The following MSH6 variants were observed in gnomAD, a reference collection of about 807,000 sequenced individuals.
The protein encoded by MSH6 is DNA mismatch repair protein Msh6.
A neutral mutation model predicts 119.1 loss-of-function variants in MSH6; 85 were observed. That is an observed-to-expected ratio of 0.71 (90% CI 0.60 to 0.85). MSH6 has a LOEUF of 0.85. MSH6 is among the 40% of genes least tolerant of loss of function. The probability of loss-of-function intolerance (pLI) is 0.00; values close to 1 mark genes in which losing one functional copy is unlikely to be tolerated. For missense variants in MSH6, 2,163 were observed against 1,655.3 expected (o/e 1.31, Z -5.32); for synonymous variants, 830 against 586.9 (o/e 1.41, Z -5.99).
chr2:47,795,106 G>T (rs1007019721), intron 2 of MSH6, among the ~76,000 whole-genome samples: 5 of 152,058 alleles, frequency 3.3e-5, no homozygotes, highest in African/African-American at 1.2e-4. Context: ...AAGTTTTTAA[G>T]AAAGATTCTC....
rs747521149 is a variant in MSH6 at position 47,783,197 on chromosome 2, C to T, written c.-37C>T. Reference sequence around the variant, plus strand: ...GTAGATGCGGTGCTTTTAGGAGCTCCGTCCGACAGAACGGTTGGGCCTTGC... The same window carrying T: ...GTAGATGCGGTGCTTTTAGGAGCTCTGTCCGACAGAACGGTTGGGCCTTGC... On this transcript the variant is annotated 5_prime_UTR_variant, in exon 1 of 10. Coordinates refer to ENST00000234420, the MANE Select transcript of MSH6 (RefSeq NM_000179.3). 16 of 1,609,346 alleles carry T rather than the reference C, an allele frequency of 9.9e-6. No individual in the cohort carries two copies. Among genetic ancestry groups the T allele is most frequent in the East Asian group, 2.3e-5 (1 of 44,388 alleles).
chr2:47,783,473 A>G lies in MSH6; in HGVS notation c.240A>G (p.Val80=), dbSNP rs864622281. 40 of 1,443,500 alleles carry G rather than the reference A, an allele frequency of 2.8e-5. No individual in the cohort carries two copies. The highest frequency in any genetic ancestry group is 8.7e-5 in the Admixed American group (3 of 34,662). The allele number at this position is 1,443,500 out of a possible 1,614,324, so 89.4% of individuals were successfully genotyped here. A position where few individuals can be genotyped will look rare whatever the true frequency, so the allele number is the denominator to read the frequency against. The change falls in exon 1 of 10, where the codon GTA becomes GTG. Residue 80 remains valine, a synonymous_variant. Coordinates refer to ENST00000234420, the MANE Select transcript of MSH6 (RefSeq NM_000179.3). ...TCAACGGAGGGCTGCGGAGATCGGTAGCGCCTGCTGCCCCCACCAGGTAGC... is the reference window on the plus strand; with the variant it reads ...TCAACGGAGGGCTGCGGAGATCGGTGGCGCCTGCTGCCCCCACCAGGTAGC... The part of the protein sequence containing the change: ...KNLNGGLRRS[V]APAAPTSCDF...
At chr2:47,809,191 CTT>C (rs2104621655), downstream of MSH6, 1 of 1,604,596 alleles carries the variant, frequency 6.2e-7, no homozygotes, top group Admixed American at 1.7e-5. Context: ...GCTGGTATAA[CTT>C]GATATTTTAT....
Position 47,800,672 on chromosome 2 carries a change from A to G in MSH6, c.2689A>G (p.Asn897Asp). The change falls in exon 4 of 10, where the codon AAT (asparagine) becomes GAT (aspartate). Residue 897 changes from asparagine to aspartate, a missense_variant. Asn to Asp is a conservative substitution (Grantham distance 23). Transcript: ENST00000234420. Reference sequence around the variant, plus strand: ...GCAGGTCATCTCTCTGCAGACAAAAAATCCTGAAGGTCGTTTTCCTGATTT... The same window carrying G: ...GCAGGTCATCTCTCTGCAGACAAAAGATCCTGAAGGTCGTTTTCCTGATTT... ...LKQVISLQTK[N>D]PEGRFPDLTV... is the part of the protein sequence containing the mutation. 1.9e-6 allele frequency: 3 copies of G among 1,614,220 alleles called. No homozygotes were observed. Among genetic ancestry groups the G allele is most frequent in the Non-Finnish European group, 2.5e-6 (3 of 1,180,026 alleles).
At chr2:47,802,663 A>G (rs1669672973) in intron 4 of MSH6, among the ~76,000 whole-genome samples, 2 of 145,918 alleles carry the variant, frequency 1.4e-5, no homozygotes, top group African/African-American at 2.5e-5. Flanking sequence ...TTTTTAAATA[A>G]TGGTAGTTTA....
rs771393147 is a variant in MSH6, at chr2:47,806,751, C to CAA, written c.4002-28_4002-27insAA. 2.0e-4 allele frequency: 293 copies of CAA among 1,444,694 alleles called. No homozygotes were observed. The African/African-American group carries it at 3.7e-3, about 18-fold the overall frequency. The allele number at this position is 1,444,694 out of a possible 1,614,324, so 89.5% of individuals were successfully genotyped here. ...GATGCACTATGAAAAAACAAAAAAACTTTTTTTTTTTTTTTTTTAATTTTA... is the reference window on the plus strand; with the variant it reads ...GATGCACTATGAAAAAACAAAAAAACAATTTTTTTTTTTTTTTTTTAATTTTA... On this transcript the variant is annotated intron_variant, in intron 9 of 9. Coordinates refer to ENST00000234420, the MANE Select transcript of MSH6 (RefSeq NM_000179.3).
chr2:47,796,172 A>T, intron 3 of MSH6, 109 bp downstream of exon 3: 1 of 1,086,102 alleles, frequency 9.2e-7, no homozygotes, highest in Non-Finnish European at 1.4e-6. Context: ...GTGTATATGT[A>T]TTATTTTATT....
intron 4 of MSH6, among the ~76,000 whole-genome samples, chr2:47,802,721 A>G (rs1669676239): frequency 6.6e-6 from 1 of 151,408 alleles, no homozygotes; most frequent in South Asian, 2.1e-4. Flanking sequence ...TCTGAACGCA[A>G]GTATCTAATG....
In MSH6 at chr2:47,804,925, G is replaced by C. The variant is rs1572738396; in HGVS notation, c.3454G>C (p.Val1152Leu). The C allele has an allele frequency of 6.2e-7, 1 of 1,614,020 alleles. No individual in the cohort carries two copies. Among genetic ancestry groups the C allele is most frequent in the East Asian group, 2.2e-5 (1 of 44,892 alleles). ...TCATTCACAGGCTGGCTTATTAGCTGTAATGGCCCAGATGGGTTGTTACGT... is the reference window on the plus strand; with the variant it reads ...TCATTCACAGGCTGGCTTATTAGCTCTAATGGCCCAGATGGGTTGTTACGT... ...TLMRQAGLLA[V>L]MAQMGCYVPA... The change falls in exon 6 of 10, where the codon GTA (valine) becomes CTA (leucine). Residue 1152 changes from valine to leucine, a missense_variant. Val to Leu is a conservative substitution (Grantham distance 32, BLOSUM62 1). Transcript: ENST00000234420.
rs946114290 is a variant in MSH6 at position 47,806,390 on chromosome 2, G to A, written c.3801+32G>A. 10 of 1,612,726 alleles carry A rather than the reference G, an allele frequency of 6.2e-6. No individual in the cohort carries two copies. The highest frequency in any genetic ancestry group is 2.2e-5 in the East Asian group (1 of 44,878). ...GCAAATTGTTTTTTTCCACAAATTC[G>A]GTTTTTTGAGAGGGCACTTCTCTTG... is the stretch of plus-strand genomic sequence containing the variant. On this transcript the variant is annotated intron_variant, in intron 8 of 9. Transcript: ENST00000234420.
At chr2:47,803,036 T>TGAGTA (rs1267730844) in intron 4 of MSH6, among the ~76,000 whole-genome samples, 10 of 152,128 alleles carry the variant, frequency 6.6e-5, no homozygotes, top group Non-Finnish European at 1.3e-4. Flanking sequence ...CTCAGCCTCC[T>TGAGTA]GCGTAGCTGG....
At chr2:47,808,793 AAACATTACAC>A (rs1188239219), downstream of MSH6, 1 of 262,826 alleles carries the variant, frequency 3.8e-6, no homozygotes, top group Non-Finnish European at 7.2e-6. Flanking sequence ...ATTTCTAGGA[AAACATTACAC>A]AACATGAGTT....
Position 47,799,934 on chromosome 2 carries a change from A to G in MSH6, c.1951A>G (p.Ile651Val), listed in dbSNP as rs536562413. Residue 651 changes from isoleucine to valine, a missense_variant, in exon 4 of 10, where the codon ATT becomes GTT. Transcript: ENST00000234420. The stretch of plus-strand genomic sequence containing the variant: ...TTTTAGGGAAAAGCTAAGTGATGGC[A>G]TTGGGGTGATGTTACCCCAGGTGCT... The part of the protein sequence containing the change: ...EYFREKLSDG[I>V]GVMLPQVLKG... 4.3e-6 allele frequency: 7 copies of G among 1,614,202 alleles called. No individual in the cohort carries two copies. The South Asian group carries it at 7.7e-5, about 18-fold the overall frequency.
At chr2:47,801,335 C>G in intron 4 of MSH6, 180 bp downstream of exon 4, 1 of 252,724 alleles carries the variant, frequency 4.0e-6, no homozygotes, top group Non-Finnish European at 7.0e-6. Flanking sequence ...TCGCTTTTAT[C>G]TTAGTAGCCC....
downstream of MSH6, chr2:47,807,720 AT>A (rs1670322719): frequency 4.2e-6 from 1 of 236,510 alleles, no homozygotes; most frequent in African/African-American, 2.2e-5. Flanking sequence ...TTTTTACCAT[AT>A]TACAAAAGCA....
chr2:47,798,536 C>T (rs770278091), intron 3 of MSH6, 75 bp from the exon 4 acceptor site: 32 of 1,518,788 alleles, frequency 2.1e-5, no homozygotes, highest in Non-Finnish European at 2.7e-5. Context: ...GTCAAAAAAT[C>T]ATAAGTTGAA....
downstream of MSH6, chr2:47,809,829 C>CATTTTATTCAGTAGACA: frequency 1.6e-6 from 1 of 617,142 alleles, no homozygotes; most frequent in Non-Finnish European, 2.8e-6. Flanking sequence ...TTAATGTCTA[C>CATTTTATTCAGTAGACA]TGAATAAAAT....
downstream of MSH6, chr2:47,807,153 A>ACATACTTGT: frequency 3.0e-6 from 1 of 336,282 alleles, no homozygotes; most frequent in Non-Finnish European, 5.5e-6. Flanking sequence ...AGGGCTGTAT[A>ACATACTTGT]TATACTTGTC....
intron 2 of MSH6, among the ~76,000 whole-genome samples, chr2:47,795,074 C>T (rs1408018605): frequency 3.9e-5 from 6 of 152,048 alleles, no homozygotes; most frequent in South Asian, 2.1e-4. Flanking sequence ...ATTACAGGTG[C>T]GAGCCATTGT....
Sources: gnomAD v4.1 joint callset for allele counts (sites outside exome capture counted in the v4.1 genomes callset) on GRCh38, gnomAD v4.1.1 for gene constraint, MANE v1.5 for transcripts, NCBI Gene and HGNC (gene_info 2026-07-23, HGNC 2026-07-21) for gene names.